Variants in LSAMP observed in about 807,000 individuals in gnomAD.
The protein encoded by LSAMP is limbic system associated membrane protein.
A neutral mutation model predicts 38.6 loss-of-function variants in LSAMP; 7 were observed. That is an observed-to-expected ratio of 0.18 (90% CI 0.10 to 0.34). The LOEUF (loss-of-function observed/expected upper bound fraction) is 0.34. Among genes scored for constraint, LSAMP ranks in the 10% least tolerant of loss-of-function variants. The pLI, the probability that LSAMP is intolerant of heterozygous loss-of-function variation, is 1.00. For missense variants in LSAMP, 313 were observed against 420.0 expected (o/e 0.75, Z 2.23); for synonymous variants, 154 against 166.8 (o/e 0.92, Z 0.59).
rs142316976 is a variant in LSAMP at position 116,086,305 on chromosome 3, T to C, written c.388+19A>G. 269 of 1,594,688 alleles carry C rather than the reference T, an allele frequency of 1.7e-4. 2 individuals are homozygous for C. In the African/African-American group the frequency reaches 3.1e-3, roughly 18 times the overall value. ...TCCCACCTCTTTCTTACCACCCTTC[T>C]ATCCCACACTTTCCTTACCTTGTAC... On this transcript the variant is annotated intron_variant, in intron 2 of 6. Transcript: ENST00000490035.
intron 1 of LSAMP, among the ~76,000 whole-genome samples, chr3:116,296,186 A>ACTTT (rs1242177561): frequency 6.6e-6 from 1 of 152,158 alleles, no homozygotes; most frequent in East Asian, 1.9e-4. Flanking sequence ...TGTAAAGAAG[A>ACTTT]CTTTCTTCTT....
chr3:116,256,092 G>T (rs1363322899), intron 1 of LSAMP, among the ~76,000 whole-genome samples: 3 of 152,122 alleles, frequency 2.0e-5, no homozygotes, highest in Non-Finnish European at 2.9e-5. Flanking sequence ...GGTGCAATTT[G>T]TCAAGTCGAG....
chr3:116,229,464 A>C (rs1159302702), intron 1 of LSAMP, among the ~76,000 whole-genome samples: 16 of 152,140 alleles, frequency 1.1e-4, no homozygotes, highest in Non-Finnish European at 1.0e-4. Context: ...ACATTCCAAA[A>C]TTTCATTTTT....
chr3:116,058,816 A>G (rs1941538284), intron 2 of LSAMP, among the ~76,000 whole-genome samples: 1 of 152,222 alleles, frequency 6.6e-6, no homozygotes, highest in Non-Finnish European at 1.5e-5. Flanking sequence ...TAAACTGAGA[A>G]GAGTGATAAA....
intron 1 of LSAMP, among the ~76,000 whole-genome samples, chr3:116,340,977 T>C (rs1209852146): frequency 1.3e-5 from 2 of 152,006 alleles, no homozygotes; most frequent in African/African-American, 4.8e-5. Flanking sequence ...AGTCCCCCTA[T>C]AAAAGAAGTT....
intron 1 of LSAMP, among the ~76,000 whole-genome samples, chr3:116,297,776 TA>T (rs1262322270): frequency 6.6e-6 from 1 of 152,210 alleles, no homozygotes; most frequent in Non-Finnish European, 1.5e-5. Flanking sequence ...AAAAATAAAA[TA>T]GGTGAAAATT....
At chr3:115,961,017 A>G (rs1302166936) in intron 3 of LSAMP, among the ~76,000 whole-genome samples, 1 of 152,208 alleles carries the variant, frequency 6.6e-6, no homozygotes, top group African/African-American at 2.4e-5. Context: ...TGCAAGCCAC[A>G]TTAAACCTGT....
chr3:116,191,058 C>T (rs1338449265), intron 1 of LSAMP, among the ~76,000 whole-genome samples: 1 of 152,076 alleles, frequency 6.6e-6, no homozygotes, highest in East Asian at 1.9e-4. Flanking sequence ...TGTATTGCTA[C>T]TAAAAGTACA....
In LSAMP at chr3:115,880,371, C is replaced by G. The variant is rs576040820; in HGVS notation, c.515-27754G>C. 1.2e-3 allele frequency among the ~76,000 whole-genome samples: 185 copies of G among 152,194 alleles called. 2 individuals are homozygous for G. The highest frequency in any genetic ancestry group is 2.2e-3 in the Non-Finnish European group (150 of 67,986). On this transcript the variant is annotated intron_variant, in intron 3 of 6. Coordinates refer to ENST00000490035, the MANE Select transcript of LSAMP (RefSeq NM_002338.5). Reference sequence around the variant, plus strand: ...ATAAAGAATATATTGTTCCATTTTTCCTTTAAATTTATAATTTACTTCAAA... The same window carrying G: ...ATAAAGAATATATTGTTCCATTTTTGCTTTAAATTTATAATTTACTTCAAA...
intron 1 of LSAMP, among the ~76,000 whole-genome samples, chr3:116,147,998 A>G (rs920959588): frequency 9.9e-5 from 15 of 151,952 alleles, no homozygotes; most frequent in Non-Finnish European, 1.6e-4. Context: ...TTATTCCCAG[A>G]GTTGACCTAA....
At chr3:116,397,227 A>T (rs1199364731) in intron 1 of LSAMP, among the ~76,000 whole-genome samples, 3 of 151,992 alleles carry the variant, frequency 2.0e-5, no homozygotes, top group Non-Finnish European at 4.4e-5. Flanking sequence ...GATTTCATGT[A>T]TTTTCTCCAC....
At chr3:116,257,529 G>A (rs1347826154) in intron 1 of LSAMP, among the ~76,000 whole-genome samples, 1 of 151,872 alleles carries the variant, frequency 6.6e-6, no homozygotes, top group Non-Finnish European at 1.5e-5. Context: ...TGGATTATAG[G>A]AAACAATAAT....
Position 116,072,751 on chromosome 3 carries a change from G to GT in LSAMP, c.388+13572_388+13573insA, listed in dbSNP as rs1559731710. On this transcript the variant is annotated intron_variant, in intron 2 of 6. Transcript: ENST00000490035. The stretch of plus-strand genomic sequence containing the variant: ...CTTACTTTTTGAAGGGGTTGTTTGT[G>GT]GTTTTTTTTTTTTTTTTTTGTAAAA... Among the ~76,000 whole-genome samples, 768 of 118,644 alleles carry GT rather than the reference G, an allele frequency of 6.5e-3. 5 individuals carry two copies. Among genetic ancestry groups the GT allele is most frequent in the Non-Finnish European group, 0.01 (572 of 54,856 alleles). 77.8% of individuals were successfully genotyped at this position (118,644 alleles called of 152,430 possible).
intron 1 of LSAMP, among the ~76,000 whole-genome samples, chr3:116,272,765 G>C (rs1027035526): frequency 4.6e-5 from 7 of 152,096 alleles, no homozygotes; most frequent in African/African-American, 1.2e-4. Context: ...GTAAGAATCT[G>C]TCCTAAGTAA....
intron 2 of LSAMP, among the ~76,000 whole-genome samples, chr3:116,039,589 G>A (rs2107714831): frequency 6.6e-6 from 1 of 152,286 alleles, no homozygotes; most frequent in South Asian, 2.1e-4. Flanking sequence ...AAGAGCTGTT[G>A]CTCCTTAGAA....
rs117919517 is a variant in LSAMP at position 116,421,969 on chromosome 3, T to C, written c.155+22908A>G. Among the ~76,000 whole-genome samples the C allele has an allele frequency of 4.1e-3, 626 of 152,338 alleles. 21 individuals carry two copies. The East Asian group carries it at 0.042, about 10-fold the overall frequency. ...TGAAAATATATGTTCCCTCAAAGAA[T>C]TGACCATAAATACCCAAGCAACATT... On this transcript the variant is annotated intron_variant, in intron 1 of 6. Transcript: ENST00000490035.
chr3:116,090,281 A>G (rs889429579), intron 1 of LSAMP, among the ~76,000 whole-genome samples: 7 of 152,104 alleles, frequency 4.6e-5, no homozygotes, highest in African/African-American at 1.7e-4. Context: ...CAATTTGTAG[A>G]GGTCTACGTT....
At chr3:116,214,721 T>C (rs2046200491) in intron 1 of LSAMP, among the ~76,000 whole-genome samples, 1 of 151,964 alleles carries the variant, frequency 6.6e-6, no homozygotes. Flanking sequence ...CAGGCTCGTC[T>C]CAAATTCCTG....
At chr3:116,066,401 C>T (rs1220259826) in intron 2 of LSAMP, among the ~76,000 whole-genome samples, 4 of 152,200 alleles carry the variant, frequency 2.6e-5, no homozygotes, top group East Asian at 1.9e-4. Context: ...CCTGATGCTC[C>T]AGGTCATGAC....
Sources: allele counts gnomAD v4.1 joint callset (sites outside exome capture counted in the v4.1 genomes callset), GRCh38; gene constraint gnomAD v4.1.1; transcripts MANE v1.5; gene names NCBI Gene and HGNC (gene_info 2026-07-23, HGNC 2026-07-21).